Variants in MYO1C observed in about 807,000 individuals in gnomAD.
MYO1C encodes unconventional myosin-Ic.
A neutral mutation model predicts 150.8 loss-of-function variants in MYO1C; 104 were observed. The observed-to-expected ratio is 0.69, with a 90% CI of 0.59 to 0.81. MYO1C has a LOEUF of 0.81. Among genes scored for constraint, MYO1C ranks in the 30% least tolerant of loss-of-function variants. The probability of loss-of-function intolerance (pLI) is 0.00; values close to 1 mark genes in which losing one functional copy is unlikely to be tolerated. For missense variants in MYO1C, 1,504 were observed against 1,435.0 expected (o/e 1.05, Z -0.78); for synonymous variants, 663 against 579.9 (o/e 1.14, Z -2.06).
rs1041020416 is a variant in MYO1C at position 1,484,602 on chromosome 17, C to T, written c.76-299G>A. ...TTGGGACTCGGACACAGGGCATGGA[C>T]GCAGGCAGGACCAGAGGGCAGAACC... On this transcript the variant is annotated intron_variant, in intron 1 of 31. Transcript: ENST00000648651. 3.5e-5 allele frequency: 19 copies of T among 548,788 alleles called. 1 individual carries two copies. Among genetic ancestry groups the T allele is most frequent in the South Asian group, 6.1e-5 (3 of 49,584 alleles). 34.0% of individuals were successfully genotyped at this position (548,788 alleles called of 1,614,324 possible). A position where few individuals can be genotyped will look rare whatever the true frequency, so the allele number is the denominator to read the frequency against.
At chr17:1,474,427 CAAAA>C (rs869242496) in intron 17 of MYO1C, among the ~76,000 whole-genome samples, 179 bp downstream of exon 17, 3 of 85,720 alleles carry the variant, frequency 3.5e-5, no homozygotes, top group Non-Finnish European at 7.5e-5. Context: ...GACCCTGTCT[CAAAA>C]AAAAAAAAAA....
chr17:1,490,205 C>G (rs2074712729), intron 1 of MYO1C, among the ~76,000 whole-genome samples: 1 of 150,060 alleles, frequency 6.7e-6, no homozygotes, highest in Non-Finnish European at 1.5e-5. Context: ...CCTGCTAAAA[C>G]CTCACCTCCA....
intron 3 of MYO1C, among the ~76,000 whole-genome samples, 193 bp downstream of exon 3, chr17:1,483,417 T>C (rs2074579968): frequency 6.6e-6 from 1 of 151,394 alleles, no homozygotes; most frequent in Non-Finnish European, 1.5e-5. Context: ...TGAGTCGGGG[T>C]AGGGACTGAG....
At chr17:1,474,158 G>A (rs1272010447) in intron 17 of MYO1C, among the ~76,000 whole-genome samples, 7 of 152,012 alleles carry the variant, frequency 4.6e-5, no homozygotes, top group Non-Finnish European at 1.0e-4. Flanking sequence ...CAGGCGTGGT[G>A]GCTCACACCG....
chr17:1,485,160 T>C (rs2074625693), intron 1 of MYO1C: 2 of 1,196,634 alleles, frequency 1.7e-6, no homozygotes, highest in South Asian at 1.5e-5. Flanking sequence ...TACTGGAGGG[T>C]GGAGGGTGGT....
At chr17:1,467,412 T>C (rs1280526679) in intron 30 of MYO1C, 68 bp downstream of exon 30, 12 of 1,577,172 alleles carry the variant, frequency 7.6e-6, no homozygotes, top group Non-Finnish European at 9.5e-6. Flanking sequence ...ACCCCCACCC[T>C]GTCCCTGGGT....
At position 1,479,535 on chromosome 17, in the gene MYO1C, G is replaced by T; in HGVS notation, c.1021-33C>A. The T allele has an allele frequency of 6.7e-7, 1 of 1,488,408 alleles. No homozygotes were observed. The highest frequency in any genetic ancestry group is 9.2e-7 in the Non-Finnish European group (1 of 1,087,362). The allele number at this position is 1,488,408 out of a possible 1,614,324, so 92.2% of individuals were successfully genotyped here. A position where few individuals can be genotyped will look rare whatever the true frequency, so the allele number is the denominator to read the frequency against. On this transcript the variant is annotated intron_variant, in intron 8 of 31. Coordinates refer to ENST00000648651, the MANE Select transcript of MYO1C (RefSeq NM_001080779.2). This position sits in a 1 kb window ranked among gnomAD's most constrained non-coding sequence, Gnocchi z 4.2. ...GGGCAGGCGAGGACACGGTGAGGGT[G>T]CACCCCCAGCCCCCGCCCCCGCCGT...
At position 1,483,042 on chromosome 17, in the gene MYO1C, G is replaced by A. The variant is rs571817183; in HGVS notation, c.365C>T (p.Thr122Ile). 1.6e-5 allele frequency: 26 copies of A among 1,609,426 alleles called. No homozygotes were observed. Among genetic ancestry groups the A allele is most frequent in the South Asian group, 3.3e-5 (3 of 90,566 alleles). Residue 122 changes from threonine to isoleucine, a missense_variant, in exon 4 of 32, where the codon ACT becomes ATT. By Grantham distance (89) the Thr-to-Ile change is moderately conservative. Transcript: ENST00000648651. The part of the protein sequence containing the change: ...VPPHLFAVAD[T>I]VYRALRTERR... The stretch of plus-strand genomic sequence containing the variant: ...CTCCGTGCGCAGTGCTCGGTACACA[G>A]TGTCCGCCACGGCAAACCTGGGGCG...
At chr17:1,489,158 ACTT>A (rs2074702486) in intron 1 of MYO1C, among the ~76,000 whole-genome samples, 1 of 152,196 alleles carries the variant, frequency 6.6e-6, no homozygotes, top group Admixed American at 6.5e-5. Context: ...CAGGGCTTCA[ACTT>A]CTGTTTATTA....
intron 14 of MYO1C, among the ~76,000 whole-genome samples, chr17:1,476,029 A>C (rs555315106): frequency 1.2e-4 from 19 of 152,238 alleles, no homozygotes; most frequent in Non-Finnish European, 2.2e-4. Context: ...CCTTTGGGCG[A>C]CGGGATCACA....
At chr17:1,472,422 C>T (rs1221083347) in intron 17 of MYO1C, 194 bp from the exon 18 acceptor site, 2 of 596,054 alleles carry the variant, frequency 3.4e-6, no homozygotes, top group Non-Finnish European at 6.0e-6. Flanking sequence ...TCTGGCTGGG[C>T]GAGAGACCTC....
Position 1,464,876 on chromosome 17 carries a change from A to C in MYO1C, c.*850T>G, listed in dbSNP as rs1169388780. 6.8e-6 allele frequency: 1 copy of C among 146,832 alleles called. No homozygotes were observed. The highest frequency in any genetic ancestry group is 1.5e-5 in the Non-Finnish European group (1 of 67,380). The allele number at this position is 146,832 out of a possible 1,614,324, so 9.1% of individuals were successfully genotyped here. A position where few individuals can be genotyped will look rare whatever the true frequency, so the allele number is the denominator to read the frequency against. ...TGCCCAGGCTGGAGTGCAGTGGTGTACTCTTGGCTCACTGCAACCTCCACT... is the reference window on the plus strand; with the variant it reads ...TGCCCAGGCTGGAGTGCAGTGGTGTCCTCTTGGCTCACTGCAACCTCCACT... On this transcript the variant is annotated 3_prime_UTR_variant, in exon 32 of 32. Transcript: ENST00000648651.
Position 1,474,858 on chromosome 17 carries a change from C to A in MYO1C, c.1670G>T (p.Gly557Val). 6.2e-7 allele frequency: 1 copy of A among 1,614,088 alleles called. No homozygotes were observed. Among genetic ancestry groups the A allele is most frequent in the South Asian group, 1.1e-5 (1 of 91,076 alleles). Residue 557 changes from glycine to valine, a missense_variant and splice_region_variant, in exon 16 of 32, where the codon GGG (glycine) becomes GTG (valine). Coordinates refer to ENST00000648651, the MANE Select transcript of MYO1C (RefSeq NM_001080779.2). ...AAGGTCATTGTTTTTGTCCAGAAAC[C>A]CTGGGAGGGGAGAACCGACGTGAGG... ...YAGEVTYSVTGFLDKNNDLLF... is the reference protein window; with the variant it reads ...YAGEVTYSVTVFLDKNNDLLF...
chr17:1,469,285 C>T lies in MYO1C; in HGVS notation c.2610+246G>A, dbSNP rs1181026316. Reference sequence around the variant, plus strand: ...AGTAGATTGCGGTAAATAGAGTAGACTGGGGTAAATACGGTAGGTGGGGTA... The same window carrying T: ...AGTAGATTGCGGTAAATAGAGTAGATTGGGGTAAATACGGTAGGTGGGGTA... On this transcript the variant is annotated intron_variant, in intron 25 of 31. Transcript: ENST00000648651. 1.1e-5 allele frequency: 6 copies of T among 544,912 alleles called. No individual in the cohort carries two copies. The East Asian group carries it at 1.6e-4, about 15-fold the overall frequency. The allele number at this position is 544,912 out of a possible 1,614,324, so 33.8% of individuals were successfully genotyped here.
intron 25 of MYO1C, chr17:1,469,103 T>G: frequency 3.2e-6 from 1 of 312,670 alleles, no homozygotes; most frequent in South Asian, 2.8e-5. Flanking sequence ...TAGACCGGGG[T>G]AAATACGGTA....
intron 2 of MYO1C, 95 bp from the exon 3 acceptor site, chr17:1,483,820 G>T (rs964235921): frequency 6.5e-5 from 64 of 977,596 alleles, no homozygotes; most frequent in Non-Finnish European, 8.9e-5. Context: ...AAGGTGGGCG[G>T]ATCACCTGAG....
At chr17:1,465,935 G>A (rs909537993) in intron 31 of MYO1C, among the ~76,000 whole-genome samples, 183 bp from the exon 32 acceptor site, 2 of 152,100 alleles carry the variant, frequency 1.3e-5, no homozygotes, top group South Asian at 4.1e-4. Flanking sequence ...CCTAAGAGTT[G>A]GGATTACAGG....
At chr17:1,487,463 C>T (rs960818866) in intron 1 of MYO1C, among the ~76,000 whole-genome samples, 1 of 152,206 alleles carries the variant, frequency 6.6e-6, no homozygotes, top group African/African-American at 2.4e-5. Context: ...GGGGAAGGCT[C>T]GTCACTGCAA....
At chr17:1,470,848 G>A in intron 21 of MYO1C, 159 bp from the exon 22 acceptor site, 1 of 724,156 alleles carries the variant, frequency 1.4e-6, no homozygotes, top group Non-Finnish European at 2.2e-6. Flanking sequence ...GGACTGCCCG[G>A]AAAAGGGGGG....
Sources: gnomAD v4.1 joint callset for allele counts (sites outside exome capture counted in the v4.1 genomes callset) on GRCh38, gnomAD v4.1.1 for gene constraint, Gnocchi (gnomAD v3.1) non-coding constraint, MANE v1.5 for transcripts, NCBI Gene and HGNC (gene_info 2026-07-23, HGNC 2026-07-21) for gene names.